The following LRMDA variants were observed in gnomAD, a reference collection of about 807,000 sequenced individuals.
LRMDA encodes the protein leucine rich melanocyte differentiation associated.
A neutral mutation model predicts 29.8 loss-of-function variants in LRMDA; 18 were observed. The observed-to-expected ratio is 0.60, with a 90% confidence interval of 0.42 to 0.90. The LOEUF (loss-of-function observed/expected upper bound fraction) is 0.90, where lower values mean the gene tolerates loss of function less well. Ranked by LOEUF, LRMDA falls within the 40% of genes least tolerant of loss-of-function variation. LRMDA has a pLI of 0.00. For synonymous variants in LRMDA, 125 were observed against 109.4 expected (o/e 1.14, Z -0.89); for missense variants, 273 against 273.9 (o/e 1.00, Z 0.02).
At chr10:75,565,653 C>T (rs534939392) in intron 2 of LRMDA, among the ~76,000 whole-genome samples, 1 of 152,308 alleles carries the variant, frequency 6.6e-6, no homozygotes, top group Non-Finnish European at 1.5e-5. Flanking sequence ...TAACAAGTGG[C>T]ATATTTTACT....
chr10:75,908,817 G>A (rs182695925), intron 2 of LRMDA, among the ~76,000 whole-genome samples: 1 of 152,310 alleles, frequency 6.6e-6, no homozygotes, highest in East Asian at 1.9e-4. Flanking sequence ...CAGAGGCATA[G>A]GCAATGGCAG....
chr10:76,088,474 A>G (rs1257692396), intron 5 of LRMDA, among the ~76,000 whole-genome samples: 1 of 152,162 alleles, frequency 6.6e-6, no homozygotes, highest in African/African-American at 2.4e-5. Context: ...TGGGAATTTA[A>G]TTGGTTGCCA....
At chr10:75,873,671 G>T (rs1415759237) in intron 2 of LRMDA, among the ~76,000 whole-genome samples, 5 of 152,200 alleles carry the variant, frequency 3.3e-5, no homozygotes, top group Admixed American at 1.3e-4. Context: ...TGTATATGAA[G>T]ATTGGCAGGG....
chr10:75,536,839 C>G (rs1397684757), intron 2 of LRMDA, among the ~76,000 whole-genome samples: 1 of 152,076 alleles, frequency 6.6e-6, no homozygotes, highest in Non-Finnish European at 1.5e-5. Context: ...GGATTACAGG[C>G]ATGAGCCACT....
At chr10:76,452,212 G>A (rs1257280504) in intron 6 of LRMDA, among the ~76,000 whole-genome samples, 1 of 152,134 alleles carries the variant, frequency 6.6e-6, no homozygotes, top group Non-Finnish European at 1.5e-5. Context: ...ATACACCTAA[G>A]TGTGAGGGAG....
intron 2 of LRMDA, among the ~76,000 whole-genome samples, chr10:75,473,222 G>A (rs1844746217): frequency 6.6e-6 from 1 of 152,216 alleles, no homozygotes; most frequent in Admixed American, 6.5e-5. Flanking sequence ...CCCAATCAAA[G>A]GTGTATACCA....
intron 5 of LRMDA, among the ~76,000 whole-genome samples, chr10:76,209,217 G>A (rs1219989730): frequency 1.3e-5 from 2 of 152,014 alleles, no homozygotes; most frequent in African/African-American, 4.8e-5. Flanking sequence ...CCCCTAATAA[G>A]CTAAGGAGAG....
At chr10:75,540,479 G>C (rs1322650915) in intron 2 of LRMDA, among the ~76,000 whole-genome samples, 1 of 152,152 alleles carries the variant, frequency 6.6e-6, no homozygotes, top group African/African-American at 2.4e-5. Context: ...TCACCATACT[G>C]TCTTCCCCTA....
At chr10:76,332,900 G>A (rs981616203) in intron 6 of LRMDA, among the ~76,000 whole-genome samples, 2 of 152,054 alleles carry the variant, frequency 1.3e-5, no homozygotes, top group African/African-American at 4.8e-5. Context: ...GTTTGATTGA[G>A]GAGATCCCAA....
intron 5 of LRMDA, among the ~76,000 whole-genome samples, chr10:76,133,630 C>T (rs989666699): frequency 6.6e-6 from 1 of 152,250 alleles, no homozygotes; most frequent in Admixed American, 6.5e-5. Flanking sequence ...TACAGATCAG[C>T]TGCCTGGCTC....
rs971805519 is a variant in LRMDA at position 76,197,503 on chromosome 10, T to C, written c.517-126898T>C. Among the ~76,000 whole-genome samples the C allele has an allele frequency of 2.0e-5, 3 of 152,314 alleles. No individual in the cohort carries two copies. The East Asian group carries it at 5.8e-4, about 29-fold the overall frequency. On this transcript the variant is annotated intron_variant, in intron 5 of 6. Coordinates refer to ENST00000611255, the MANE Select transcript of LRMDA (RefSeq NM_001305581.2). ...CAGTTGGCAATGTTTGGAGACCTTA[T>C]TGATTTTCAGTACTGGCGGTTGGTT...
At chr10:76,134,822 T>A (rs1420195714) in intron 5 of LRMDA, among the ~76,000 whole-genome samples, 14 of 152,082 alleles carry the variant, frequency 9.2e-5, no homozygotes, top group Admixed American at 4.6e-4. Flanking sequence ...AATTGCTAAA[T>A]AATAAATAAG....
At chr10:75,693,264 C>T (rs1236704385) in intron 2 of LRMDA, among the ~76,000 whole-genome samples, 2 of 152,186 alleles carry the variant, frequency 1.3e-5, no homozygotes, top group African/African-American at 2.4e-5. Context: ...AATAAATTAT[C>T]TCCTATTTGT....
At chr10:75,792,064 T>C (rs775935404) in intron 2 of LRMDA, among the ~76,000 whole-genome samples, 2 of 151,604 alleles carry the variant, frequency 1.3e-5, no homozygotes, top group African/African-American at 2.4e-5. Context: ...TTTCACTGTG[T>C]TAGTCAGGAT....
intron 2 of LRMDA, among the ~76,000 whole-genome samples, chr10:75,809,555 A>C (rs1470267567): frequency 6.6e-6 from 1 of 152,188 alleles, no homozygotes; most frequent in Non-Finnish European, 1.5e-5. Context: ...AGGCAGGAGA[A>C]TCGCCTTGAA....
At chr10:75,959,323 C>T (rs1012815014) in intron 2 of LRMDA, among the ~76,000 whole-genome samples, 17 of 152,172 alleles carry the variant, frequency 1.1e-4, no homozygotes, top group Admixed American at 1.3e-4. Flanking sequence ...GCAGCACCAC[C>T]TTGGCCTTCC....
chr10:76,488,279 G>A (rs1397269917), intron 6 of LRMDA, among the ~76,000 whole-genome samples: 2 of 151,598 alleles, frequency 1.3e-5, no homozygotes, highest in Non-Finnish European at 3.0e-5. Context: ...TTATATATAT[G>A]AGAAATTATC....
intron 5 of LRMDA, among the ~76,000 whole-genome samples, chr10:76,297,729 G>A (rs1425566968): frequency 6.6e-6 from 1 of 152,164 alleles, no homozygotes; most frequent in Non-Finnish European, 1.5e-5. Context: ...ACAAATGGAA[G>A]TCATTATCAC....
intron 6 of LRMDA, among the ~76,000 whole-genome samples, chr10:76,348,249 T>C (rs994327303): frequency 2.6e-5 from 4 of 152,110 alleles, no homozygotes; most frequent in African/African-American, 9.7e-5. Flanking sequence ...AGGGAACCTC[T>C]GGTACCCAAG....
Sources: allele counts gnomAD v4.1 joint callset (sites outside exome capture counted in the v4.1 genomes callset), GRCh38; gene constraint gnomAD v4.1.1; transcripts MANE v1.5; gene names NCBI Gene and HGNC (gene_info 2026-07-23, HGNC 2026-07-21).